Variants in GALNT13 observed in about 807,000 individuals in gnomAD.
GALNT13 encodes the protein polypeptide N-acetylgalactosaminyltransferase 13.
In GALNT13, 28 loss-of-function variants were observed where a neutral mutation model predicts 64.2. The ratio of observed to expected loss-of-function variants is 0.44; its 90% CI spans 0.32 to 0.60. GALNT13 has a LOEUF of 0.60. Ranked by LOEUF, GALNT13 falls within the 20% of genes least tolerant of loss-of-function variation. The pLI, the probability that GALNT13 is intolerant of heterozygous loss-of-function variation, is 0.05. For missense variants in GALNT13, 577 were observed against 669.8 expected (o/e 0.86, Z 1.53); for synonymous variants, 214 against 224.6 (o/e 0.95, Z 0.42).
chr2:154,116,061 G>T (rs909692273), intron 3 of GALNT13, among the ~76,000 whole-genome samples: 2 of 152,138 alleles, frequency 1.3e-5, no homozygotes, highest in African/African-American at 4.8e-5. Context: ...CCTGGCAACT[G>T]CCTCAGGGGA....
At chr2:154,010,223 G>A (rs538666514) in intron 3 of GALNT13, among the ~76,000 whole-genome samples, 1 of 152,108 alleles carries the variant, frequency 6.6e-6, no homozygotes, top group African/African-American at 2.4e-5. Context: ...TGTTGACTAT[G>A]GTTTTCTCAT....
the GALNT13 span, among the ~76,000 whole-genome samples, chr2:153,606,097 G>T: frequency 6.6e-6 from 1 of 152,078 alleles, no homozygotes; most frequent in African/African-American, 2.4e-5. Context: ...TTTCATGCAA[G>T]AGCAGCAAGC....
chr2:153,945,977 G>A lies in GALNT13; in HGVS notation c.142+1338G>A, dbSNP rs549615470. On this transcript the variant is annotated intron_variant, in intron 3 of 12. Transcript: ENST00000392825. The stretch of plus-strand genomic sequence containing the variant: ...TAGGTAGTTTACATGCATTTTTTAT[G>A]CCTTTATACTTCAGTTATTCTGAGA... Among the ~76,000 whole-genome samples, 6 of 152,164 alleles carry A rather than the reference G, an allele frequency of 3.9e-5. No individual in the cohort carries two copies. The East Asian group carries it at 1.2e-3, about 29-fold the overall frequency.
chr2:154,210,289 G>A (rs1004298787), intron 4 of GALNT13, among the ~76,000 whole-genome samples: 3 of 152,200 alleles, frequency 2.0e-5, no homozygotes, highest in African/African-American at 7.2e-5. Context: ...TAGTGATGCA[G>A]TGAATAAGGG....
At chr2:153,383,860 C>T in the GALNT13 span, among the ~76,000 whole-genome samples, 2 of 151,890 alleles carry the variant, frequency 1.3e-5, no homozygotes, top group African/African-American at 4.8e-5. Context: ...TCATAAGACA[C>T]AAGGATGTTA....
the GALNT13 span, among the ~76,000 whole-genome samples, chr2:153,685,479 G>C: frequency 2.0e-5 from 3 of 151,824 alleles, no homozygotes; most frequent in African/African-American, 7.3e-5. Flanking sequence ...AAAAGTGACT[G>C]TTTATGTCTT....
At chr2:153,655,974 A>G in the GALNT13 span, among the ~76,000 whole-genome samples, 23 of 152,244 alleles carry the variant, frequency 1.5e-4, no homozygotes, top group African/African-American at 5.5e-4. Flanking sequence ...TTCACATACC[A>G]AAAATTCCTA....
At chr2:153,305,633 T>C in the GALNT13 span, among the ~76,000 whole-genome samples, 1 of 152,094 alleles carries the variant, frequency 6.6e-6, no homozygotes, top group Non-Finnish European at 1.5e-5. Context: ...ACCTTACAGT[T>C]TGGAGCACTT....
At chr2:153,596,253 A>T in the GALNT13 span, among the ~76,000 whole-genome samples, 1 of 152,190 alleles carries the variant, frequency 6.6e-6, no homozygotes, top group Admixed American at 6.5e-5. Flanking sequence ...CTATGCCCAT[A>T]ACCAACACAG....
At chr2:154,123,169 A>G (rs560493476) in intron 3 of GALNT13, among the ~76,000 whole-genome samples, 1 of 152,172 alleles carries the variant, frequency 6.6e-6, no homozygotes, top group East Asian at 1.9e-4. Flanking sequence ...TCCATAAGAA[A>G]TTTTGTAATC....
the GALNT13 span, among the ~76,000 whole-genome samples, chr2:153,501,679 T>C: frequency 1.3e-5 from 2 of 152,156 alleles, no homozygotes; most frequent in African/African-American, 4.8e-5. Flanking sequence ...GAAGTTATCT[T>C]AGGGCTTCTC....
chr2:154,164,374 A>T (rs1433815731), intron 4 of GALNT13, among the ~76,000 whole-genome samples: 1 of 152,144 alleles, frequency 6.6e-6, no homozygotes, highest in Non-Finnish European at 1.5e-5. Flanking sequence ...GTGTAACATT[A>T]ATTATATTTG....
chr2:153,255,591 G>A, the GALNT13 span, among the ~76,000 whole-genome samples: 1 of 152,064 alleles, frequency 6.6e-6, no homozygotes, highest in Non-Finnish European at 1.5e-5. Context: ...GCATGATTTT[G>A]CAGCGGCTGG....
the GALNT13 span, among the ~76,000 whole-genome samples, chr2:153,308,816 A>T: frequency 6.6e-6 from 1 of 152,178 alleles, no homozygotes; most frequent in Admixed American, 6.5e-5. Context: ...AATCATGAGT[A>T]GAATGGAATA....
chr2:153,411,161 G>GTA, the GALNT13 span, among the ~76,000 whole-genome samples: 2,344 of 139,624 alleles, frequency 0.017, 52 homozygotes, highest in African/African-American at 0.052. Context: ...TGGCATATAT[G>GTA]TATATATATA....
chr2:154,246,577 T>C (rs532276895), intron 7 of GALNT13, among the ~76,000 whole-genome samples: 1 of 152,196 alleles, frequency 6.6e-6, no homozygotes, highest in South Asian at 2.1e-4. Flanking sequence ...TGTATAAGCA[T>C]TACCCACTTT....
At chr2:154,034,073 C>T (rs1051529286) in intron 3 of GALNT13, among the ~76,000 whole-genome samples, 3 of 152,110 alleles carry the variant, frequency 2.0e-5, no homozygotes, top group African/African-American at 7.2e-5. Context: ...TTGGTAGTTT[C>T]TTATAAAGTT....
the GALNT13 span, among the ~76,000 whole-genome samples, chr2:153,388,905 A>C: frequency 0.1 from 15,713 of 152,114 alleles, 935 homozygotes; most frequent in African/African-American, 0.15. Flanking sequence ...ATTTAAAAAA[A>C]CTGAGATGGA....
chr2:153,843,965 C>T, the GALNT13 span, among the ~76,000 whole-genome samples: 1 of 152,080 alleles, frequency 6.6e-6, no homozygotes, highest in Non-Finnish European at 1.5e-5. Context: ...GCAGGGGCAC[C>T]CTGTAACCTG....
Sources: allele counts gnomAD v4.1 joint callset (sites outside exome capture counted in the v4.1 genomes callset), GRCh38; gene constraint gnomAD v4.1.1; transcripts MANE v1.5; gene names NCBI Gene and HGNC (gene_info 2026-07-23, HGNC 2026-07-21).